CHMP2B: variants seen among roughly 807,000 people sequenced by gnomAD.
CHMP2B encodes the protein VPS2 homolog B.
CHMP2B carries 22 observed loss-of-function variants against 29.8 expected under a neutral mutation model. The ratio of observed to expected loss-of-function variants is 0.74; its 90% CI spans 0.53 to 1.05. The LOEUF (loss-of-function observed/expected upper bound fraction) is 1.05. Among genes scored for constraint, CHMP2B ranks in the 50% least tolerant of loss-of-function variants. The pLI is 0.00. For missense variants in CHMP2B, 261 were observed against 252.2 expected, an observed-to-expected ratio of 1.03 and a Z score of -0.24; for synonymous variants, 78 against 75.8, an observed-to-expected ratio of 1.03 and a Z score of -0.15.
At chr3:87,238,978 C>T (rs1706066488) in intron 1 of CHMP2B, among the ~76,000 whole-genome samples, 1 of 152,106 alleles carries the variant, frequency 6.6e-6, no homozygotes, top group Admixed American at 6.5e-5. Flanking sequence ...AAAAAATTAT[C>T]CTTTCTAATA....
intron 1 of CHMP2B, among the ~76,000 whole-genome samples, chr3:87,228,433 G>C (rs1705852266): frequency 6.6e-6 from 1 of 152,146 alleles, no homozygotes; most frequent in South Asian, 2.1e-4. Context: ...CTAGGTTGTT[G>C]CTGGTTCAAC....
chr3:87,241,064 C>T (rs933115338), intron 2 of CHMP2B, among the ~76,000 whole-genome samples: 9 of 152,090 alleles, frequency 5.9e-5, no homozygotes, highest in African/African-American at 1.9e-4. Flanking sequence ...AAAGATTGCT[C>T]AAGACAGAAC....
chr3:87,239,169 C>T (rs536020274), intron 1 of CHMP2B, among the ~76,000 whole-genome samples: 19 of 152,104 alleles, frequency 1.2e-4, no homozygotes, highest in African/African-American at 4.3e-4. Context: ...ATTCTGCATA[C>T]CAAACTCTTA....
intron 2 of CHMP2B, among the ~76,000 whole-genome samples, chr3:87,244,685 G>A (rs531674544): frequency 4.1e-4 from 62 of 151,942 alleles, no homozygotes; most frequent in African/African-American, 1.5e-3. Context: ...AGCATACTTT[G>A]TGTGATTCCA....
Position 87,227,417 on chromosome 3 carries a change from G to A in CHMP2B, c.-106G>A. 1.5e-6 allele frequency: 2 copies of A among 1,366,660 alleles called. No homozygotes were observed. The highest frequency in any genetic ancestry group is 1.0e-6 in the Non-Finnish European group (1 of 957,720). The allele number at this position is 1,366,660 out of a possible 1,614,324, so 84.7% of individuals were successfully genotyped here. A position where few individuals can be genotyped will look rare whatever the true frequency, so the allele number is the denominator to read the frequency against. ...CCCGACCTCCTCCTGCTGTCTCTCC[G>A]CTCCGCCACCCCGAACCCGCCAAGG... On this transcript the variant is annotated 5_prime_UTR_variant, in exon 1 of 6. Coordinates refer to ENST00000263780, the MANE Select transcript of CHMP2B (RefSeq NM_014043.4).
At chr3:87,236,530 C>T (rs1575964235) in intron 1 of CHMP2B, among the ~76,000 whole-genome samples, 2 of 152,010 alleles carry the variant, frequency 1.3e-5, no homozygotes, top group East Asian at 1.9e-4. Context: ...GCTTGTCTTT[C>T]TGAGCAGTAT....
chr3:87,235,509 A>T (rs1705990397), intron 1 of CHMP2B, among the ~76,000 whole-genome samples: 1 of 152,204 alleles, frequency 6.6e-6, no homozygotes. Context: ...TAGGCCTATT[A>T]ACAACTATGA....
chr3:87,244,129 C>A (rs1347113816), intron 2 of CHMP2B, among the ~76,000 whole-genome samples: 1 of 150,776 alleles, frequency 6.6e-6, no homozygotes, highest in African/African-American at 2.4e-5. Flanking sequence ...TCACTGCAAC[C>A]TCTGCCTCCT....
intron 2 of CHMP2B, 126 bp downstream of exon 2, chr3:87,240,916 C>T (rs1208550308): frequency 1.7e-5 from 12 of 725,200 alleles, no homozygotes; most frequent in Non-Finnish European, 2.2e-5. Flanking sequence ...TAAGAAATGG[C>T]AGTTAATGAT....
At chr3:87,237,045 C>T (rs1706028899) in intron 1 of CHMP2B, among the ~76,000 whole-genome samples, 1 of 152,062 alleles carries the variant, frequency 6.6e-6, no homozygotes, top group Non-Finnish European at 1.5e-5. Context: ...TATATCAGTC[C>T]ATTGGCTTTG....
chr3:87,236,402 A>G (rs980409560), intron 1 of CHMP2B, among the ~76,000 whole-genome samples: 1 of 152,088 alleles, frequency 6.6e-6, no homozygotes, highest in African/African-American at 2.4e-5. Flanking sequence ...TATATTTTTA[A>G]TATCACCCTC....
In CHMP2B at chr3:87,248,274, G is replaced by A. The variant is rs1706252124; in HGVS notation, c.322-1601G>A. 7.3e-5 allele frequency among the ~76,000 whole-genome samples: 11 copies of A among 151,478 alleles called. No homozygotes were observed. The South Asian group carries it at 2.3e-3, about 32-fold the overall frequency. On this transcript the variant is annotated intron_variant, in intron 3 of 5. Transcript: ENST00000263780. ...GATCACGCCACTGCACTCCAGCCTGGGTGACAGAGAGAGAGACTGTCTCAA... is the reference window on the plus strand; with the variant it reads ...GATCACGCCACTGCACTCCAGCCTGAGTGACAGAGAGAGAGACTGTCTCAA...
intron 1 of CHMP2B, among the ~76,000 whole-genome samples, chr3:87,229,743 T>A (rs1214594290): frequency 6.6e-6 from 1 of 152,106 alleles, no homozygotes; most frequent in East Asian, 1.9e-4. Flanking sequence ...TTCTGATATA[T>A]AAGGGAAACA....
intron 1 of CHMP2B, among the ~76,000 whole-genome samples, chr3:87,238,681 C>A (rs369132703): frequency 1.4e-4 from 21 of 152,200 alleles, no homozygotes; most frequent in African/African-American, 5.1e-4. Flanking sequence ...TATATACCAC[C>A]GTTTGTTTAT....
rs1706112626 is a variant in CHMP2B at position 87,241,191 on chromosome 3, G to A, written c.126+401G>A. Among the ~76,000 whole-genome samples, 3 of 152,240 alleles carry A rather than the reference G, an allele frequency of 2.0e-5. No individual in the cohort carries two copies. In the South Asian group the frequency reaches 6.2e-4, roughly 32 times the overall value. On this transcript the variant is annotated intron_variant, in intron 2 of 5. Transcript: ENST00000263780. ...ATATTTTAAAGATCGTTGTGTCTTTGACAATGAATGTACTTTTATAATAGA... is the reference window on the plus strand; with the variant it reads ...ATATTTTAAAGATCGTTGTGTCTTTAACAATGAATGTACTTTTATAATAGA...
At chr3:87,241,251 A>G (rs1181100468) in intron 2 of CHMP2B, among the ~76,000 whole-genome samples, 3 of 152,150 alleles carry the variant, frequency 2.0e-5, no homozygotes, top group African/African-American at 7.2e-5. Context: ...TCTTTATGCT[A>G]TGTTTTTATG....
At chr3:87,253,066 T>A in intron 4 of CHMP2B, 1 of 242,362 alleles carries the variant, frequency 4.1e-6, no homozygotes, top group Non-Finnish European at 8.2e-6. Flanking sequence ...CTTCCTCTAC[T>A]AGCTTAATGG....
Position 87,227,389 on chromosome 3 carries a change from G to T in CHMP2B, c.-134G>T. The T allele has an allele frequency of 1.0e-6, 1 of 984,436 alleles. No individual in the cohort carries two copies. Among genetic ancestry groups the T allele is most frequent in the South Asian group, 1.3e-5 (1 of 75,888 alleles). 61.0% of individuals were successfully genotyped at this position (984,436 alleles called of 1,614,324 possible). A position where few individuals can be genotyped will look rare whatever the true frequency, so the allele number is the denominator to read the frequency against. The stretch of plus-strand genomic sequence containing the variant: ...AAGCCTTCCGCGGGTCCTGCCTGGC[G>T]ACCCCGACCTCCTCCTGCTGTCTCT... On this transcript the variant is annotated 5_prime_UTR_variant, in exon 1 of 6. Transcript: ENST00000263780.
In CHMP2B at chr3:87,249,993, T is replaced by G; in HGVS notation, c.424+16T>G. On this transcript the variant is annotated intron_variant, in intron 4 of 5. Coordinates refer to ENST00000263780, the MANE Select transcript of CHMP2B (RefSeq NM_014043.4). ...GAAGAAATGAGTAAGTTTAATAAAT[T>G]ATAATGAAATTTATAGTTTTCTCAT... 1 of 1,400,582 alleles carries G rather than the reference T, an allele frequency of 7.1e-7. No homozygotes were observed. The highest frequency in any genetic ancestry group is 1.0e-6 in the Non-Finnish European group (1 of 993,970). 86.8% of individuals were successfully genotyped at this position (1,400,582 alleles called of 1,614,324 possible). A position where few individuals can be genotyped will look rare whatever the true frequency, so the allele number is the denominator to read the frequency against.
Sources: allele counts gnomAD v4.1 joint callset (sites outside exome capture counted in the v4.1 genomes callset), GRCh38; gene constraint gnomAD v4.1.1; transcripts MANE v1.5; gene names NCBI Gene and HGNC (gene_info 2026-07-23, HGNC 2026-07-21).